The following ABTB3 variants were observed in gnomAD, a reference collection of about 807,000 sequenced individuals.
The protein encoded by ABTB3 is ankyrin repeat- and BTB/POZ domain-containing protein 3.
chr12:107,387,258 G>A, the ABTB3 span, among the ~76,000 whole-genome samples: 5 of 152,280 alleles, frequency 3.3e-5, no homozygotes, highest in East Asian at 1.9e-4. Flanking sequence ...GATTACAGGC[G>A]TGAGCCACTG....
At chr12:107,349,817 A>T in the ABTB3 span, among the ~76,000 whole-genome samples, 2 of 152,354 alleles carry the variant, frequency 1.3e-5, no homozygotes, top group East Asian at 1.9e-4. Context: ...AATTTAAAAA[A>T]TGCCTTTCTT....
At chr12:107,542,026 C>A in the ABTB3 span, among the ~76,000 whole-genome samples, 1 of 152,054 alleles carries the variant, frequency 6.6e-6, no homozygotes, top group Non-Finnish European at 1.5e-5. Flanking sequence ...TTAACCATCA[C>A]TGGCCAGGCG....
chr12:107,375,076 C>G, the ABTB3 span, among the ~76,000 whole-genome samples: 1 of 152,102 alleles, frequency 6.6e-6, no homozygotes, highest in East Asian at 1.9e-4. Flanking sequence ...GAGGAACCTC[C>G]CTGAAATGGA....
At chr12:107,566,063 C>T in the ABTB3 span, among the ~76,000 whole-genome samples, 2 of 152,156 alleles carry the variant, frequency 1.3e-5, no homozygotes, top group East Asian at 1.9e-4. Context: ...AAGTAAATTG[C>T]GTGTATGTTT....
chr12:107,631,242 G>A, the ABTB3 span, among the ~76,000 whole-genome samples: 1 of 152,210 alleles, frequency 6.6e-6, no homozygotes, highest in Non-Finnish European at 1.5e-5. Context: ...TAGGATAATA[G>A]CCTCCAGCTG....
chr12:107,396,164 C>G, the ABTB3 span, among the ~76,000 whole-genome samples: 7 of 152,220 alleles, frequency 4.6e-5, no homozygotes, highest in African/African-American at 7.2e-5. Context: ...CCCAGCCCAG[C>G]CTTCCTCTGC....
the ABTB3 span, among the ~76,000 whole-genome samples, chr12:107,522,657 CT>C: frequency 1.3e-4 from 19 of 151,172 alleles, no homozygotes; most frequent in East Asian, 3.3e-3. Context: ...AGGAATACTG[CT>C]TGGCATATAG....
At chr12:107,489,763 C>CT in the ABTB3 span, among the ~76,000 whole-genome samples, 40 of 152,038 alleles carry the variant, frequency 2.6e-4, no homozygotes, top group African/African-American at 8.7e-4. Context: ...TAAACATTGT[C>CT]TTTTTTTGTT....
chr12:107,438,341 C>T, the ABTB3 span, among the ~76,000 whole-genome samples: 1 of 152,138 alleles, frequency 6.6e-6, no homozygotes, highest in Non-Finnish European at 1.5e-5. Flanking sequence ...GCAAGTCATG[C>T]GTTTTCAGGC....
chr12:107,602,746 GCACT>G, the ABTB3 span, among the ~76,000 whole-genome samples: 1 of 152,258 alleles, frequency 6.6e-6, no homozygotes, highest in South Asian at 2.1e-4. Context: ...CTTGCATTTG[GCACT>G]CACAAAGCAT....
chr12:107,351,388 C>T, the ABTB3 span, among the ~76,000 whole-genome samples: 1 of 152,116 alleles, frequency 6.6e-6, no homozygotes, highest in Non-Finnish European at 1.5e-5. Context: ...AGGGAGTGTC[C>T]CCATTGGCTA....
the ABTB3 span, among the ~76,000 whole-genome samples, chr12:107,447,524 C>G: frequency 4.6e-5 from 7 of 152,144 alleles, no homozygotes; most frequent in Non-Finnish European, 1.0e-4. Context: ...CCAGATCCGC[C>G]AAACCCACAC....
At chr12:107,443,040 TAA>T in the ABTB3 span, among the ~76,000 whole-genome samples, 1 of 152,106 alleles carries the variant, frequency 6.6e-6, no homozygotes, top group Non-Finnish European at 1.5e-5. Context: ...ATAACAGCAC[TAA>T]TCCCCTTCAT....
chr12:107,533,506 CA>C, the ABTB3 span, among the ~76,000 whole-genome samples: 1 of 151,612 alleles, frequency 6.6e-6, no homozygotes, highest in Non-Finnish European at 1.5e-5. Context: ...GACTTTAAGT[CA>C]AAAAAACATA....
chr12:107,359,090 AAGAAATGCTG>A, the ABTB3 span, among the ~76,000 whole-genome samples: 5 of 152,216 alleles, frequency 3.3e-5, no homozygotes. Context: ...TCCTGATCCT[AAGAAATGCTG>A]TCATCTCAGC....
chr12:107,450,963 G>A, the ABTB3 span, among the ~76,000 whole-genome samples: 37 of 152,052 alleles, frequency 2.4e-4, no homozygotes, highest in East Asian at 6.8e-3. Context: ...GAAGTTCTCT[G>A]TGCTCCTTCA....
chr12:107,546,853 A>C, the ABTB3 span, among the ~76,000 whole-genome samples: 1 of 152,204 alleles, frequency 6.6e-6, no homozygotes, highest in Non-Finnish European at 1.5e-5. Flanking sequence ...TGACAGAGTG[A>C]GATTCCATCT....
At chr12:107,319,393 C>T in the ABTB3 span, 13 of 1,593,260 alleles carry the variant, frequency 8.2e-6, no homozygotes, top group South Asian at 1.5e-4. Flanking sequence ...AGCGCCTGAG[C>T]CTGCGCTTCG....
At chr12:107,534,227 A>AAAAT in the ABTB3 span, among the ~76,000 whole-genome samples, 1 of 151,682 alleles carries the variant, frequency 6.6e-6, no homozygotes. Context: ...AAAAAAAAAA[A>AAAAT]TTTAAGAAAT....
Sources: allele counts gnomAD v4.1 joint callset (sites outside exome capture counted in the v4.1 genomes callset), GRCh38; gene constraint gnomAD v4.1.1; transcripts MANE v1.5; gene names NCBI Gene and HGNC (gene_info 2026-07-23, HGNC 2026-07-21).